The following NDFIP2 variants were observed in gnomAD, a reference collection of about 807,000 sequenced individuals.
The protein encoded by NDFIP2 is NEDD4 family-interacting protein 2.
NDFIP2 carries 19 observed loss-of-function variants against 36.0 expected under a neutral mutation model. That is an observed-to-expected ratio of 0.53 (90% CI 0.37 to 0.77). The LOEUF (loss-of-function observed/expected upper bound fraction) is 0.77. Ranked by LOEUF, NDFIP2 falls within the 30% of genes least tolerant of loss-of-function variation. The pLI, the probability that NDFIP2 is intolerant of heterozygous loss-of-function variation, is 0.00. For missense variants in NDFIP2, 446 were observed against 435.8 expected (o/e 1.02, Z -0.21); for synonymous variants, 181 against 167.7 (o/e 1.08, Z -0.61).
intron 1 of NDFIP2, among the ~76,000 whole-genome samples, chr13:79,511,434 C>T (rs1392974012): frequency 6.6e-6 from 1 of 152,110 alleles, no homozygotes; most frequent in Non-Finnish European, 1.5e-5. Context: ...CTGTAGTTTT[C>T]AGAAACCATT....
chr13:79,510,757 C>T (rs574253056), intron 1 of NDFIP2, among the ~76,000 whole-genome samples: 4 of 151,966 alleles, frequency 2.6e-5, no homozygotes, highest in South Asian at 4.2e-4. Flanking sequence ...CCAGCACTTT[C>T]GGAGTCTGAG....
chr13:79,541,138 G>T (rs1875440183), intron 4 of NDFIP2, among the ~76,000 whole-genome samples: 1 of 151,882 alleles, frequency 6.6e-6, no homozygotes, highest in African/African-American at 2.4e-5. Flanking sequence ...ACCTTAATTA[G>T]AAAGGAAAGG....
At chr13:79,521,817 G>A (rs1360803154) in intron 2 of NDFIP2, among the ~76,000 whole-genome samples, 3 of 140,608 alleles carry the variant, frequency 2.1e-5, no homozygotes, top group Admixed American at 7.1e-5. Context: ...TTTGGTTTTC[G>A]TTTTGCTTTT....
intron 1 of NDFIP2, among the ~76,000 whole-genome samples, chr13:79,505,594 A>T (rs1305938621): frequency 6.6e-6 from 1 of 151,426 alleles, no homozygotes; most frequent in Non-Finnish European, 1.5e-5. Context: ...GTGCAACTGC[A>T]CTCCAGCCTG....
At chr13:79,524,326 C>T (rs1874706661) in intron 2 of NDFIP2, among the ~76,000 whole-genome samples, 1 of 152,192 alleles carries the variant, frequency 6.6e-6, no homozygotes, top group Non-Finnish European at 1.5e-5. Flanking sequence ...TAACTTTACT[C>T]CAAACATTCT....
intron 7 of NDFIP2, 85 bp downstream of exon 7, chr13:79,551,207 T>G (rs527857920): frequency 1.5e-6 from 1 of 656,374 alleles, no homozygotes; most frequent in Non-Finnish European, 2.5e-6. Flanking sequence ...TAATGTGTAT[T>G]CATGATTTTT....
chr13:79,528,959 T>C (rs917865120), intron 2 of NDFIP2, among the ~76,000 whole-genome samples: 1 of 152,198 alleles, frequency 6.6e-6, no homozygotes, highest in Non-Finnish European at 1.5e-5. Flanking sequence ...GATTATATTC[T>C]CCATTAGGTC....
intron 1 of NDFIP2, among the ~76,000 whole-genome samples, chr13:79,494,879 A>G (rs564119123): frequency 3.3e-5 from 5 of 151,906 alleles, no homozygotes; most frequent in Non-Finnish European, 5.9e-5. Flanking sequence ...GAGATTTTCT[A>G]AATTCTTTTT....
At chr13:79,534,734 G>A (rs1875165979) in intron 3 of NDFIP2, among the ~76,000 whole-genome samples, 1 of 152,150 alleles carries the variant, frequency 6.6e-6, no homozygotes, top group Non-Finnish European at 1.5e-5. Context: ...TAGGTGAGGA[G>A]TCAAGGGAGA....
chr13:79,530,779 C>T (rs1874984158), intron 2 of NDFIP2, among the ~76,000 whole-genome samples: 1 of 152,186 alleles, frequency 6.6e-6, no homozygotes, highest in Non-Finnish European at 1.5e-5. Flanking sequence ...ACTTCTGATT[C>T]TACTTCTCTT....
At chr13:79,495,262 GTGTC>G (rs1462854914) in intron 1 of NDFIP2, among the ~76,000 whole-genome samples, 1 of 151,836 alleles carries the variant, frequency 6.6e-6, no homozygotes, top group Non-Finnish European at 1.5e-5. Flanking sequence ...CTGATCTTCT[GTGTC>G]TGTATTGATT....
chr13:79,533,246 G>A (rs1392030340), intron 2 of NDFIP2, 77 bp from the exon 3 acceptor site: 10 of 1,416,006 alleles, frequency 7.1e-6, no homozygotes, highest in Non-Finnish European at 5.8e-6. Flanking sequence ...GTGGCCAGTT[G>A]TAAATTATTA....
At chr13:79,503,145 T>G (rs1267152831) in intron 1 of NDFIP2, among the ~76,000 whole-genome samples, 1 of 152,084 alleles carries the variant, frequency 6.6e-6, no homozygotes, top group African/African-American at 2.4e-5. Flanking sequence ...TTTTCCTCCA[T>G]GAAGTAGGAA....
In NDFIP2 at chr13:79,556,062, ATCT is replaced by A. The variant is rs1876100133; in HGVS notation, c.*3551_*3553del. 1 of 152,158 alleles carries A rather than the reference ATCT, an allele frequency of 6.6e-6. No individual in the cohort carries two copies. The highest frequency in any genetic ancestry group is 2.1e-4 in the South Asian group (1 of 4,832). The allele number at this position is 152,158 out of a possible 1,614,324, so 9.4% of individuals were successfully genotyped here. ...GTTTAATTTTAATAAACAAAATATC[ATCT>A]TTTTGAAAATAATTTATGTTCATTT... On this transcript the variant is annotated 3_prime_UTR_variant, in exon 8 of 8. Coordinates refer to ENST00000218652, the MANE Select transcript of NDFIP2 (RefSeq NM_019080.3).
At chr13:79,495,138 A>G (rs753603336) in intron 1 of NDFIP2, among the ~76,000 whole-genome samples, 20 of 151,768 alleles carry the variant, frequency 1.3e-4, no homozygotes, top group Non-Finnish European at 2.4e-4. Context: ...AGACTTTTTT[A>G]TGGGCTAATA....
At chr13:79,547,008 GTACT>G (rs1875708685) in intron 5 of NDFIP2, among the ~76,000 whole-genome samples, 1 of 151,590 alleles carries the variant, frequency 6.6e-6, no homozygotes, top group East Asian at 1.9e-4. Flanking sequence ...GTTTTTAGTA[GTACT>G]TTGAAATTTT....
intron 2 of NDFIP2, among the ~76,000 whole-genome samples, chr13:79,529,987 T>C (rs897228804): frequency 1.3e-5 from 2 of 152,184 alleles, no homozygotes; most frequent in African/African-American, 4.8e-5. Flanking sequence ...GTTTAAAAAA[T>C]GTACATATCT....
intron 5 of NDFIP2, among the ~76,000 whole-genome samples, chr13:79,545,385 G>A (rs1875628551): frequency 6.6e-6 from 1 of 152,146 alleles, no homozygotes; most frequent in South Asian, 2.1e-4. Context: ...ATAAGATGGG[G>A]AACTTAAATT....
chr13:79,511,596 G>A (rs1357652149), intron 1 of NDFIP2, among the ~76,000 whole-genome samples: 1 of 152,148 alleles, frequency 6.6e-6, no homozygotes, highest in Non-Finnish European at 1.5e-5. Flanking sequence ...ACTGAATCTT[G>A]AGGTGTTCAG....
Sources: allele counts gnomAD v4.1 joint callset (sites outside exome capture counted in the v4.1 genomes callset), GRCh38; gene constraint gnomAD v4.1.1; transcripts MANE v1.5; gene names NCBI Gene and HGNC (gene_info 2026-07-23, HGNC 2026-07-21).